Variants in PTBP2 observed in about 807,000 individuals in gnomAD.
PTBP2 encodes polypyrimidine tract binding protein 2.
Under a neutral mutation model 61.4 loss-of-function variants are expected in PTBP2, and 13 were observed. The ratio of observed to expected loss-of-function variants is 0.21; its 90% CI spans 0.14 to 0.34. PTBP2 has a LOEUF of 0.34. PTBP2 is among the 10% of genes least tolerant of loss of function. The pLI, the probability that PTBP2 is intolerant of heterozygous loss-of-function variation, is 1.00. For synonymous variants in PTBP2, 215 were observed against 218.5 expected (o/e 0.98, Z 0.14); for missense variants, 405 against 642.6 (o/e 0.63, Z 4.00).
Position 96,804,829 on chromosome 1 carries a change from A to G in PTBP2, c.934A>G (p.Ile312Val). Reference sequence around the variant, plus strand: ...TCCAGGAGCTCTGAGTCCTTTGGCCATTCCAAATGCTGCTGCAGCAGCTGC... The same window carrying G: ...TCCAGGAGCTCTGAGTCCTTTGGCCGTTCCAAATGCTGCTGCAGCAGCTGC... ...AVPGALSPLA[I>V]PNAAAAAAAA... The change falls in exon 9 of 14, where the codon ATT (isoleucine) becomes GTT (valine). Residue 312 changes from isoleucine to valine, a missense_variant. By Grantham distance (29) the Ile-to-Val change is conservative (BLOSUM62 3). This residue lies in a region of PTBP2 where 342 missense variants were observed against 491.2 expected (regional missense o/e 0.70). Coordinates refer to ENST00000674951, the MANE Select transcript of PTBP2 (RefSeq NM_021190.4). 2.5e-6 allele frequency: 4 copies of G among 1,612,210 alleles called. No homozygotes were observed. Among genetic ancestry groups the G allele is most frequent in the Non-Finnish European group, 2.5e-6 (3 of 1,178,648 alleles).
At chr1:96,758,580 T>A (rs538182020) in intron 3 of PTBP2, among the ~76,000 whole-genome samples, 2 of 152,166 alleles carry the variant, frequency 1.3e-5, no homozygotes, top group Non-Finnish European at 2.9e-5. Flanking sequence ...TGTTTAACAT[T>A]TGAAAATGAA....
At chr1:96,742,439 A>T (rs891233992) in intron 2 of PTBP2, among the ~76,000 whole-genome samples, 3 of 152,114 alleles carry the variant, frequency 2.0e-5, no homozygotes, top group Non-Finnish European at 2.9e-5. Context: ...GCATTTTTGA[A>T]TTCTCTCTTT....
At chr1:96,805,567 T>C (rs1016520782) in intron 9 of PTBP2, among the ~76,000 whole-genome samples, 1 of 152,118 alleles carries the variant, frequency 6.6e-6, no homozygotes, top group Non-Finnish European at 1.5e-5. Context: ...TTATTTTCTT[T>C]AGTTGTACAT....
chr1:96,777,466 C>T (rs1658166306), intron 5 of PTBP2, 119 bp from the exon 6 acceptor site: 1 of 743,034 alleles, frequency 1.3e-6, no homozygotes, highest in Non-Finnish European at 2.0e-6. Flanking sequence ...GTTGAGGGGC[C>T]ATTTAATTTT....
chr1:96,751,560 CT>C, intron 3 of PTBP2, 60 bp downstream of exon 3: 1 of 1,299,082 alleles, frequency 7.7e-7, no homozygotes, highest in Middle Eastern at 1.9e-4. Flanking sequence ...AATGTTAAAA[CT>C]CAAATTTAAC....
At chr1:96,744,061 C>T (rs1032152960) in intron 2 of PTBP2, among the ~76,000 whole-genome samples, 1 of 151,896 alleles carries the variant, frequency 6.6e-6, no homozygotes, top group African/African-American at 2.4e-5. Context: ...TGTTGTTGCA[C>T]GCGCCTATAG....
chr1:96,760,988 C>T (rs1170566802), intron 3 of PTBP2, among the ~76,000 whole-genome samples: 1 of 152,126 alleles, frequency 6.6e-6, no homozygotes, highest in Non-Finnish European at 1.5e-5. Flanking sequence ...GTTAGTAGTA[C>T]ATGCGAAAAC....
At chr1:96,733,646 G>C (rs921140240) in intron 2 of PTBP2, among the ~76,000 whole-genome samples, 5 of 152,118 alleles carry the variant, frequency 3.3e-5, no homozygotes, top group African/African-American at 7.2e-5. Flanking sequence ...ACTCCAGCCT[G>C]GGCGAGAGGA....
chr1:96,751,390 A>C, intron 2 of PTBP2, 35 bp from the exon 3 acceptor site: 1 of 1,474,558 alleles, frequency 6.8e-7, no homozygotes, highest in East Asian at 2.3e-5. Context: ...TTAAATTTAA[A>C]GATGTCTTAT....
At chr1:96,822,801 C>A (rs1255369647) in exon 14 of PTBP2, 1 of 152,072 alleles carries the variant, frequency 6.6e-6, no homozygotes, top group Admixed American at 6.6e-5. Flanking sequence ...ATGGCCATGC[C>A]TCTCTGTGTG....
intron 3 of PTBP2, among the ~76,000 whole-genome samples, chr1:96,767,826 G>A (rs1296885823): frequency 2.0e-5 from 3 of 152,096 alleles, no homozygotes; most frequent in African/African-American, 7.2e-5. Context: ...TGTCAGTAGT[G>A]AAAGGACATG....
At chr1:96,801,139 T>C (rs913861882) in intron 8 of PTBP2, among the ~76,000 whole-genome samples, 1 of 152,104 alleles carries the variant, frequency 6.6e-6, no homozygotes, top group African/African-American at 2.4e-5. Context: ...TTAAATAGAT[T>C]GATAATTTTT....
At chr1:96,763,496 C>T (rs1200467370) in intron 3 of PTBP2, among the ~76,000 whole-genome samples, 1 of 150,466 alleles carries the variant, frequency 6.6e-6, no homozygotes, top group Non-Finnish European at 1.5e-5. Flanking sequence ...GAGAATCAGG[C>T]AGGGAGGTTG....
chr1:96,763,680 T>C (rs1220467755), intron 3 of PTBP2, among the ~76,000 whole-genome samples: 1 of 151,794 alleles, frequency 6.6e-6, no homozygotes. Flanking sequence ...ATAATGTACT[T>C]CATGACCAAG....
intron 8 of PTBP2, among the ~76,000 whole-genome samples, chr1:96,791,834 T>TGTTTTTTTTTTGTTTTTTG (rs71590211): frequency 1.6e-5 from 2 of 128,800 alleles, no homozygotes; most frequent in African/African-American, 6.1e-5. Context: ...TGCTTTTTTT[T>TGTTTTTTTTTTGTTTTTTG]TTTTTTTTTT....
chr1:96,798,980 A>G (rs752435598), intron 8 of PTBP2, among the ~76,000 whole-genome samples: 1 of 152,206 alleles, frequency 6.6e-6, no homozygotes, highest in Admixed American at 6.5e-5. Flanking sequence ...TGTGTGTTTC[A>G]GTGTAATATC....
Position 96,751,484 on chromosome 1 carries a change from C to T in PTBP2, c.99C>T (p.Ser33=). ...TCAGTAGTCCGAACTCTAATATGAG[C>T]AGCATGGTAGTTACAGGTAAGTGTT... ...SVLSSPNSNM[S]SMVVTANGND... Residue 33 remains serine (S), a synonymous_variant, in exon 3 of 14, where the codon AGC becomes AGT. Coordinates refer to ENST00000674951, the MANE Select transcript of PTBP2 (RefSeq NM_021190.4). 6.2e-7 allele frequency: 1 copy of T among 1,612,366 alleles called. No homozygotes were observed. Among genetic ancestry groups the T allele is most frequent in the Non-Finnish European group, 8.5e-7 (1 of 1,178,726 alleles).
intron 8 of PTBP2, among the ~76,000 whole-genome samples, chr1:96,792,720 C>CCG (rs34264477): frequency 6.6e-6 from 1 of 151,560 alleles, no homozygotes; most frequent in Non-Finnish European, 1.5e-5. Flanking sequence ...GGGTACAAAA[C>CCG]GGGTAGATAT....
intron 2 of PTBP2, among the ~76,000 whole-genome samples, chr1:96,737,411 T>G (rs1038686134): frequency 6.6e-6 from 1 of 151,898 alleles, no homozygotes; most frequent in African/African-American, 2.4e-5. Context: ...GCAATAGAGA[T>G]AGAACGCAAA....
Sources: gnomAD v4.1 joint callset for allele counts (sites outside exome capture counted in the v4.1 genomes callset) on GRCh38, gnomAD v4.1.1 for gene constraint, gnomAD v4.1.1 regional missense constraint, MANE v1.5 for transcripts, NCBI Gene and HGNC (gene_info 2026-07-23, HGNC 2026-07-21) for gene names.